Variants in MLYCD observed in about 807,000 individuals in gnomAD.
The protein encoded by MLYCD is malonyl-CoA decarboxylase, mitochondrial.
In MLYCD, 27 loss-of-function variants were observed where a neutral mutation model predicts 35.8. That is an observed-to-expected ratio of 0.75 (90% CI 0.56 to 1.04). The LOEUF is 1.04. Ranked by LOEUF, MLYCD falls within the 50% of genes least tolerant of loss-of-function variation. The probability of loss-of-function intolerance (pLI) is 0.00; values close to 1 mark genes in which losing one functional copy is unlikely to be tolerated. For synonymous variants in MLYCD, 403 were observed against 302.4 expected (o/e 1.33, Z -3.45); for missense variants, 917 against 665.1 (o/e 1.38, Z -4.17).
chr16:83,909,961 G>A (rs77675024), intron 3 of MLYCD, among the ~76,000 whole-genome samples: 2,851 of 152,060 alleles, frequency 0.019, 46 homozygotes, highest in South Asian at 0.028. Context: ...TGAGAAAACC[G>A]AGGCTTGAGG....
intron 1 of MLYCD, 134 bp downstream of exon 1, chr16:83,899,806 G>T (rs945700546): frequency 4.4e-6 from 5 of 1,134,660 alleles, no homozygotes; most frequent in Non-Finnish European, 6.0e-6. Context: ...CGCAGTTACC[G>T]CCTGCCAACT....
chr16:83,915,341 C>G lies in MLYCD; in HGVS notation c.1334C>G (p.Thr445Ser), dbSNP rs370273762. Residue 445 changes from threonine to serine, a missense_variant, in exon 5 of 5, where the codon ACC (threonine) becomes AGC (serine). Thr to Ser is a moderately conservative substitution (Grantham distance 58, BLOSUM62 1). Transcript: ENST00000262430. ...WMADVSLRGI[T>S]GSCGLMANYR... ...GCGGATGTGAGCCTCAGAGGCATCA[C>G]CGGCTCCTGCGGCCTGATGGCCAAC... 2.7e-5 allele frequency: 44 copies of G among 1,613,714 alleles called. No homozygotes were observed. Among genetic ancestry groups the G allele is most frequent in the Non-Finnish European group, 3.5e-5 (41 of 1,180,058 alleles).
At chr16:83,901,690 G>T (rs1348101121) in intron 1 of MLYCD, among the ~76,000 whole-genome samples, 1 of 152,166 alleles carries the variant, frequency 6.6e-6, no homozygotes. Context: ...CATTGGGAAG[G>T]AACACGTTGC....
chr16:83,911,133 T>C (rs3826131), intron 3 of MLYCD, among the ~76,000 whole-genome samples: 10,868 of 152,118 alleles, frequency 0.071, 467 homozygotes, highest in East Asian at 0.11. Flanking sequence ...CCTGCCACCA[T>C]GCCCGGCTCA....
At position 83,924,118 on chromosome 16, in the gene MLYCD, G is replaced by C. The variant is rs550224883; in HGVS notation, c.*8629G>C. ...GGCCAGCGAGGGGCAGCCAGACCAC[G>C]GGAAGACAGGAGGAACCCGGACCTG... is the stretch of plus-strand genomic sequence containing the variant. On this transcript the variant is annotated 3_prime_UTR_variant, in exon 5 of 5. Coordinates refer to ENST00000262430, the MANE Select transcript of MLYCD (RefSeq NM_012213.3). The C allele has an allele frequency of 1.3e-5, 2 of 152,402 alleles. No individual in the cohort carries two copies. Among genetic ancestry groups the C allele is most frequent in the East Asian group, 3.9e-4 (2 of 5,176 alleles). 9.4% of individuals were successfully genotyped at this position (152,402 alleles called of 1,614,324 possible).
chr16:83,916,134 C>G lies in MLYCD; in HGVS notation c.*645C>G. On this transcript the variant is annotated 3_prime_UTR_variant, in exon 5 of 5. Transcript: ENST00000262430. ...CTTTAAATGATCAGGGATTCAGGTTCATAATGAACTTCACAGTAAAGAACA... is the reference window on the plus strand; with the variant it reads ...CTTTAAATGATCAGGGATTCAGGTTGATAATGAACTTCACAGTAAAGAACA... 1 of 993,054 alleles carries G rather than the reference C, an allele frequency of 1.0e-6. No homozygotes were observed. The allele number at this position is 993,054 out of a possible 1,614,324, so 61.5% of individuals were successfully genotyped here.
In MLYCD at chr16:83,915,444, G is replaced by C. The variant is rs374909342; in HGVS notation, c.1437G>C (p.Gln479His). ...CCAAGATCATCAAAGCCTCTGAGCA[G>C]GTCCTCAGCCTAGTGGCCCAGTTTC... ...LGSKIIKASEQVLSLVAQFQK... is the reference protein window; with the variant it reads ...LGSKIIKASEHVLSLVAQFQK... Residue 479 changes from glutamine (Q) to histidine (H), a missense_variant, in exon 5 of 5, where the codon CAG becomes CAC. Physicochemically the swap from Gln to His is conservative, Grantham distance 24 (BLOSUM62 0). Transcript: ENST00000262430. 6.2e-7 allele frequency: 1 copy of C among 1,613,502 alleles called. No homozygotes were observed. The highest frequency in any genetic ancestry group is 8.5e-7 in the Non-Finnish European group (1 of 1,180,040).
Position 83,917,026 on chromosome 16 carries a change from CTG to C in MLYCD, c.*1542_*1543del, listed in dbSNP as rs1488919343. On this transcript the variant is annotated 3_prime_UTR_variant, in exon 5 of 5. Coordinates refer to ENST00000262430, the MANE Select transcript of MLYCD (RefSeq NM_012213.3). The stretch of plus-strand genomic sequence containing the variant: ...AGCGTCTCTGTGTGTCAGTGCACGT[CTG>C]TGTGCGTGTGCACAAGCGTCTCTGT... 9 of 117,060 alleles carry C rather than the reference CTG, an allele frequency of 7.7e-5. No individual in the cohort carries two copies. Among genetic ancestry groups the C allele is most frequent in the East Asian group, 5.6e-4 (2 of 3,562 alleles). The allele number at this position is 117,060 out of a possible 1,614,324, so 7.3% of individuals were successfully genotyped here.
intron 3 of MLYCD, among the ~76,000 whole-genome samples, chr16:83,909,482 A>G (rs375476543): frequency 7.9e-5 from 12 of 152,302 alleles, no homozygotes; most frequent in African/African-American, 1.9e-4. Flanking sequence ...TCAGGTTTAT[A>G]GAGTAGCATG....
intron 3 of MLYCD, 112 bp from the exon 4 acceptor site, chr16:83,912,106 C>T (rs899004968): frequency 3.4e-6 from 5 of 1,487,624 alleles, no homozygotes; most frequent in Admixed American, 1.7e-5. Flanking sequence ...GCCGAGGTCT[C>T]TTCCAGCTCC....
rs766715091 is a variant in MLYCD, at chr16:83,915,238, C to T, written c.1231C>T (p.His411Tyr). 8 of 1,613,182 alleles carry T rather than the reference C, an allele frequency of 5.0e-6. No individual in the cohort carries two copies. In the South Asian group the frequency reaches 5.5e-5, roughly 11 times the overall value. The change falls in exon 5 of 5, where the codon CAC (histidine) becomes TAC (tyrosine). Residue 411 changes from histidine to tyrosine, a missense_variant. By Grantham distance (83) the His-to-Tyr change is moderately conservative. Transcript: ENST00000262430. ...LCAWYLYGEK[H>Y]RGYALNPVAN... ...CGCCTGGTACCTGTATGGAGAGAAGCACCGCGGCTACGCGCTGAACCCCGT... is the reference window on the plus strand; with the variant it reads ...CGCCTGGTACCTGTATGGAGAGAAGTACCGCGGCTACGCGCTGAACCCCGT...
chr16:83,899,769 C>G, intron 1 of MLYCD, 97 bp downstream of exon 1: 1 of 1,353,934 alleles, frequency 7.4e-7, no homozygotes, highest in Non-Finnish European at 9.7e-7. Flanking sequence ...CCCCGCCTTC[C>G]CTGCCCGATA....
At chr16:83,907,720 T>C (rs1907031212) in intron 2 of MLYCD, among the ~76,000 whole-genome samples, 1 of 152,094 alleles carries the variant, frequency 6.6e-6, no homozygotes, top group African/African-American at 2.4e-5. Flanking sequence ...GAAAACAAAA[T>C]AGCGGTGGGG....
chr16:83,900,700 A>C (rs1196155248), intron 1 of MLYCD, among the ~76,000 whole-genome samples: 1 of 149,920 alleles, frequency 6.7e-6, no homozygotes, highest in Non-Finnish European at 1.5e-5. Context: ...TTGGACATTC[A>C]GAAGTTTGTT....
Position 83,918,840 on chromosome 16 carries a change from A to T in MLYCD, c.*3351A>T, listed in dbSNP as rs1243151061. 1 of 149,924 alleles carries T rather than the reference A, an allele frequency of 6.7e-6. No individual in the cohort carries two copies. The highest frequency in any genetic ancestry group is 1.5e-5 in the Non-Finnish European group (1 of 67,862). 9.3% of individuals were successfully genotyped at this position (149,924 alleles called of 1,614,324 possible). ...GAACACAGACACAGTACACAGGAGAACACGCACACACAGTGCACAGAACAC... is the reference window on the plus strand; with the variant it reads ...GAACACAGACACAGTACACAGGAGATCACGCACACACAGTGCACAGAACAC... On this transcript the variant is annotated 3_prime_UTR_variant, in exon 5 of 5. Transcript: ENST00000262430.
In MLYCD at chr16:83,917,957, G is replaced by C. The variant is rs1907484639; in HGVS notation, c.*2468G>C. The C allele has an allele frequency of 6.6e-6, 1 of 152,236 alleles. No homozygotes were observed. The highest frequency in any genetic ancestry group is 2.4e-5 in the African/African-American group (1 of 41,458). The allele number at this position is 152,236 out of a possible 1,614,324, so 9.4% of individuals were successfully genotyped here. On this transcript the variant is annotated 3_prime_UTR_variant, in exon 5 of 5. Transcript: ENST00000262430. ...ATTCCCGCTGCACAGGCCGCTGGGA[G>C]GACGGGCTCAGGTGACATCTGCCGA...
At chr16:83,908,467 C>T (rs1409529117) in intron 3 of MLYCD, among the ~76,000 whole-genome samples, 185 bp downstream of exon 3, 1 of 150,206 alleles carries the variant, frequency 6.7e-6, no homozygotes, top group Admixed American at 6.7e-5. Flanking sequence ...AGAAGTGTAA[C>T]AGGCAGACAG....
chr16:83,914,439 C>T (rs1907297580), intron 4 of MLYCD: 1 of 205,826 alleles, frequency 4.9e-6, no homozygotes, highest in African/African-American at 2.3e-5. Flanking sequence ...AAGACAAGGC[C>T]TGCAGTGAGT....
At chr16:83,909,362 G>A (rs1027587217) in intron 3 of MLYCD, among the ~76,000 whole-genome samples, 4 of 152,150 alleles carry the variant, frequency 2.6e-5, no homozygotes, top group African/African-American at 7.2e-5. Flanking sequence ...CCAGGAGGGC[G>A]CTGTAGACAC....
Sources: allele counts gnomAD v4.1 joint callset (sites outside exome capture counted in the v4.1 genomes callset), GRCh38; gene constraint gnomAD v4.1.1; transcripts MANE v1.5; gene names NCBI Gene and HGNC (gene_info 2026-07-23, HGNC 2026-07-21).